ZNF407: variants seen among roughly 807,000 people sequenced by gnomAD.
ZNF407 encodes zinc finger protein 407.
ZNF407 carries 17 observed loss-of-function variants against 131.2 expected under a neutral mutation model. The observed-to-expected ratio is 0.13, with a 90% confidence interval of 0.09 to 0.19. The LOEUF (loss-of-function observed/expected upper bound fraction) is 0.19. Ranked by LOEUF, ZNF407 falls within the 10% of genes least tolerant of loss-of-function variation. The probability of loss-of-function intolerance (pLI) is 1.00; values close to 1 mark genes in which losing one functional copy is unlikely to be tolerated. For synonymous variants in ZNF407, 1,156 were observed against 1,062.0 expected (o/e 1.09, Z -1.72); for missense variants, 2,681 against 2,830.6 (o/e 0.95, Z 1.20).
At chr18:75,019,692 T>C (rs1973084771) in intron 8 of ZNF407, among the ~76,000 whole-genome samples, 1 of 151,992 alleles carries the variant, frequency 6.6e-6, no homozygotes, top group Non-Finnish European at 1.5e-5. Flanking sequence ...TGAACCTGGG[T>C]AATTTATGGG....
chr18:74,632,055 G>A lies in ZNF407; in HGVS notation c.1036G>A (p.Val346Ile), dbSNP rs1202981956. ...KQSGSSSELL[V>I]EMMPSRNTLS... ...AAGTGGTAGTAGCAGTGAGCTTCTT[G>A]TTGAAATGATGCCTTCCAGAAATAC... The change falls in exon 2 of 9, where the codon GTT becomes ATT. Residue 346 changes from valine (V) to isoleucine (I), a missense_variant. Around this residue, in one of 6 missense-constraint regions of ZNF407, gnomAD observed 1,789 missense variants for 1,748.7 expected, o/e 1.02. Coordinates refer to ENST00000299687, the MANE Select transcript of ZNF407 (RefSeq NM_017757.3). The A allele has an allele frequency of 1.4e-5, 22 of 1,613,646 alleles. No homozygotes were observed. The highest frequency in any genetic ancestry group is 5.3e-5 in the African/African-American group (4 of 74,934).
chr18:74,793,064 G>A (rs1316232188), intron 4 of ZNF407, among the ~76,000 whole-genome samples: 5 of 152,130 alleles, frequency 3.3e-5, no homozygotes, highest in Admixed American at 6.5e-5. Context: ...TTTGAGTTGG[G>A]CGTGTTCAGA....
intron 3 of ZNF407, among the ~76,000 whole-genome samples, chr18:74,693,395 T>C (rs1967276456): frequency 6.6e-6 from 1 of 152,252 alleles, no homozygotes; most frequent in Non-Finnish European, 1.5e-5. Context: ...TTTGTAATTC[T>C]CTTTCTTGGA....
chr18:75,007,758 A>C (rs1373182651), intron 8 of ZNF407, among the ~76,000 whole-genome samples: 2 of 152,178 alleles, frequency 1.3e-5, no homozygotes, highest in Admixed American at 1.3e-4. Flanking sequence ...GCCTTCACAG[A>C]GTTCTTAACC....
At chr18:74,657,999 C>CCTCTCCCTTCCTTTCCCT (rs1985547869) in intron 3 of ZNF407, among the ~76,000 whole-genome samples, 1 of 151,684 alleles carries the variant, frequency 6.6e-6, no homozygotes, top group African/African-American at 2.4e-5. Context: ...CCCCTTTCTT[C>CCTCTCCCTTCCTTTCCCT]CTCTCCCTTC....
At chr18:74,690,452 G>T (rs580903) in intron 3 of ZNF407, among the ~76,000 whole-genome samples, 104,879 of 150,506 alleles carry the variant, frequency 0.7, 37,428 homozygotes, top group East Asian at 0.86. Context: ...TTTTTTGGGG[G>T]TTTTTTTTGG....
chr18:75,005,282 C>G (rs539661170), intron 8 of ZNF407, among the ~76,000 whole-genome samples: 1 of 152,196 alleles, frequency 6.6e-6, no homozygotes, highest in African/African-American at 2.4e-5. Context: ...CCTGAATTTT[C>G]ATTTTTTATT....
chr18:74,635,266 G>A lies in ZNF407; in HGVS notation c.4247G>A (p.Cys1416Tyr), dbSNP rs904406043. The A allele has an allele frequency of 6.2e-7, 1 of 1,613,938 alleles. No individual in the cohort carries two copies. Among genetic ancestry groups the A allele is most frequent in the African/African-American group, 1.3e-5 (1 of 74,940 alleles). The change falls in exon 2 of 9, where the codon TGT becomes TAT. Residue 1416 changes from cysteine (C) to tyrosine (Y), a missense_variant. Cys to Tyr is a radical substitution (Grantham distance 194). This residue lies in a region of ZNF407 where 1,789 missense variants were observed against 1,748.7 expected (regional missense o/e 1.02). Transcript: ENST00000299687. This position sits in a 1 kb window ranked among gnomAD's most constrained non-coding sequence, Gnocchi z 4.7. ...ATTGGTGAGTCTACACGAATTCGCTGTGATGATTGTGGCTTCTTAGCAGAT... is the reference window on the plus strand; with the variant it reads ...ATTGGTGAGTCTACACGAATTCGCTATGATGATTGTGGCTTCTTAGCAGAT... Reference protein sequence around the residue: ...SSIGESTRIRCDDCGFLADGL... With the variant: ...SSIGESTRIRYDDCGFLADGL...
chr18:74,599,396 A>T (rs1330809160), intron 1 of ZNF407, among the ~76,000 whole-genome samples: 2 of 152,258 alleles, frequency 1.3e-5, no homozygotes, highest in Non-Finnish European at 2.9e-5. Flanking sequence ...CCTTTTAAGC[A>T]GAGCAAAGTG....
chr18:74,602,618 A>G (rs1243611988), intron 1 of ZNF407, among the ~76,000 whole-genome samples: 2 of 152,106 alleles, frequency 1.3e-5, no homozygotes, highest in African/African-American at 4.8e-5. Flanking sequence ...ACTACATTTT[A>G]TTGATTTATG....
In ZNF407 at chr18:74,703,063, G is replaced by C. The variant is rs915571429; in HGVS notation, c.4802+61941G>C. On this transcript the variant is annotated intron_variant, in intron 3 of 8. Coordinates refer to ENST00000299687, the MANE Select transcript of ZNF407 (RefSeq NM_017757.3). The surrounding 1 kb of genome is among the most constrained non-coding windows in gnomAD (Gnocchi z 4.1). The stretch of plus-strand genomic sequence containing the variant: ...CAGGAGCATAACTTACACATGCCTG[G>C]TCTAGTGGTTGGAGAAACTCCTGAT... 2.0e-5 allele frequency among the ~76,000 whole-genome samples: 3 copies of C among 152,224 alleles called. No homozygotes were observed. The highest frequency in any genetic ancestry group is 4.4e-5 in the Non-Finnish European group (3 of 68,044).
intron 1 of ZNF407, among the ~76,000 whole-genome samples, chr18:74,616,668 T>TCA (rs1983300962): frequency 6.6e-6 from 1 of 151,712 alleles, no homozygotes; most frequent in Admixed American, 6.6e-5. Flanking sequence ...TCATCCTGAG[T>TCA]CATCTGTTGC....
intron 8 of ZNF407, among the ~76,000 whole-genome samples, chr18:74,961,415 C>G (rs745388784): frequency 6.6e-6 from 1 of 152,070 alleles, no homozygotes; most frequent in Non-Finnish European, 1.5e-5. Flanking sequence ...GTGGTATATG[C>G]CACAACACAA....
intron 4 of ZNF407, among the ~76,000 whole-genome samples, chr18:74,814,864 G>A (rs1409139661): frequency 6.6e-6 from 1 of 151,840 alleles, no homozygotes; most frequent in Non-Finnish European, 1.5e-5. Context: ...TACCCTTAAT[G>A]AATTTGTTAT....
intron 1 of ZNF407, among the ~76,000 whole-genome samples, chr18:74,622,982 G>A (rs374210562): frequency 6.6e-6 from 1 of 152,160 alleles, no homozygotes; most frequent in South Asian, 2.1e-4. Context: ...GTGTCAGTGT[G>A]AATGTGAGTC....
At chr18:74,625,140 A>G (rs1396373696) in intron 1 of ZNF407, among the ~76,000 whole-genome samples, 1 of 152,220 alleles carries the variant, frequency 6.6e-6, no homozygotes. Context: ...ATAGTGAGAT[A>G]TTGGGTTATT....
At chr18:74,986,652 C>T (rs1473159548) in intron 8 of ZNF407, among the ~76,000 whole-genome samples, 2 of 152,276 alleles carry the variant, frequency 1.3e-5, no homozygotes, top group African/African-American at 2.4e-5. Context: ...TTTTTTCCCT[C>T]TCAGAGGAAA....
At chr18:74,845,791 T>C (rs1970694663) in intron 4 of ZNF407, among the ~76,000 whole-genome samples, 1 of 152,206 alleles carries the variant, frequency 6.6e-6, no homozygotes, top group Non-Finnish European at 1.5e-5. Context: ...GTTGGGGAGA[T>C]ACATAATAGC....
intron 3 of ZNF407, among the ~76,000 whole-genome samples, chr18:74,766,189 G>A (rs753714615): frequency 1.3e-5 from 2 of 152,110 alleles, no homozygotes; most frequent in Non-Finnish European, 2.9e-5. Context: ...ATCTGATGTT[G>A]GACCTTGAAA....
Sources: gnomAD v4.1 joint callset for allele counts (sites outside exome capture counted in the v4.1 genomes callset) on GRCh38, gnomAD v4.1.1 for gene constraint, gnomAD v4.1.1 regional missense constraint, Gnocchi (gnomAD v3.1) non-coding constraint, MANE v1.5 for transcripts, NCBI Gene and HGNC (gene_info 2026-07-23, HGNC 2026-07-21) for gene names.